Variants in ATXN8OS observed in about 807,000 individuals in gnomAD.
ATXN8OS encodes ATXN8 opposite strand lncRNA, also known as ATXN8 opposite strand (non-protein coding).
chr13:70,166,877 A>G (rs9542197), intron 4 of ATXN8OS, among the ~76,000 whole-genome samples: 73,637 of 150,474 alleles, frequency 0.49, 20,371 homozygotes, highest in Non-Finnish European at 0.63. Context: ...ACACTTCTCA[A>G]AAGAAGACAT....
At chr13:70,136,955 G>A (rs952890180) in intron 3 of ATXN8OS, among the ~76,000 whole-genome samples, 3 of 152,048 alleles carry the variant, frequency 2.0e-5, no homozygotes, top group Non-Finnish European at 4.4e-5. Flanking sequence ...GTTTAGTTGC[G>A]ATACTGGCCA....
At chr13:70,151,748 A>G (rs1888869997) in intron 4 of ATXN8OS, among the ~76,000 whole-genome samples, 1 of 152,096 alleles carries the variant, frequency 6.6e-6, no homozygotes, top group African/African-American at 2.4e-5. Context: ...TTTCAACAAG[A>G]ATTTAACTTT....
chr13:70,127,744 T>C (rs1888461211), intron 2 of ATXN8OS, among the ~76,000 whole-genome samples: 1 of 68,156 alleles, frequency 1.5e-5, no homozygotes, highest in African/African-American at 4.4e-5. Flanking sequence ...CATCAAATCA[T>C]TAATCATGTT....
chr13:70,160,511 A>G (rs1369097453), intron 4 of ATXN8OS, among the ~76,000 whole-genome samples: 2 of 151,614 alleles, frequency 1.3e-5, no homozygotes, highest in Non-Finnish European at 2.9e-5. Context: ...TAATTTGGAT[A>G]AAGTTTCTTA....
exon 2 of ATXN8OS, chr13:70,115,157 G>T (rs890701586): frequency 2.0e-5 from 8 of 398,300 alleles, no homozygotes; most frequent in African/African-American, 4.1e-5. Context: ...AGGCTGGGAA[G>T]TTCAAGACCA....
intron 3 of ATXN8OS, among the ~76,000 whole-genome samples, chr13:70,145,229 T>C (rs1888766083): frequency 6.6e-6 from 1 of 152,136 alleles, no homozygotes; most frequent in Admixed American, 6.5e-5. Flanking sequence ...TTGGTACCAG[T>C]ACCATGCTGT....
intron 4 of ATXN8OS, among the ~76,000 whole-genome samples, chr13:70,161,762 T>TG (rs1593778130): frequency 2.2e-5 from 1 of 45,418 alleles, no homozygotes; most frequent in Admixed American, 2.4e-4. Context: ...ATTTGTTGAG[T>TG]GAAAAAAAAT....
At chr13:70,125,447 T>A (rs1888419510) in intron 2 of ATXN8OS, among the ~76,000 whole-genome samples, 1 of 152,126 alleles carries the variant, frequency 6.6e-6, no homozygotes, top group Admixed American at 6.6e-5. Context: ...AGACAAAAAT[T>A]ACAATAATTT....
intron 4 of ATXN8OS, among the ~76,000 whole-genome samples, chr13:70,158,010 A>G (rs1252369754): frequency 6.6e-6 from 1 of 152,206 alleles, no homozygotes; most frequent in Non-Finnish European, 1.5e-5. Flanking sequence ...TTAATCACAG[A>G]TGCATTCATT....
intron 4 of ATXN8OS, among the ~76,000 whole-genome samples, chr13:70,166,037 T>C (rs925588726): frequency 6.6e-6 from 1 of 152,046 alleles, no homozygotes; most frequent in African/African-American, 2.4e-5. Flanking sequence ...TGTCTTTGCA[T>C]AAATAGAAAA....
chr13:70,159,724 A>G (rs1157751490), intron 4 of ATXN8OS, among the ~76,000 whole-genome samples: 1 of 152,196 alleles, frequency 6.6e-6, no homozygotes. Flanking sequence ...AATTCTTGGC[A>G]ACAACTAACC....
At chr13:70,160,775 T>C (rs1200108556) in intron 4 of ATXN8OS, among the ~76,000 whole-genome samples, 1 of 35,588 alleles carries the variant, frequency 2.8e-5, no homozygotes, top group African/African-American at 5.1e-5. Context: ...AATATGTAAA[T>C]ATATAAATAT....
chr13:70,135,657 A>G (rs9599554), intron 3 of ATXN8OS, among the ~76,000 whole-genome samples: 34,896 of 151,776 alleles, frequency 0.23, 4,461 homozygotes, highest in East Asian at 0.53. Context: ...TCCCTTAATA[A>G]CAGCACTTCT....
chr13:70,171,285 C>T (rs1205851608), exon 5 of ATXN8OS, among the ~76,000 whole-genome samples: 3 of 152,082 alleles, frequency 2.0e-5, no homozygotes, highest in Non-Finnish European at 4.4e-5. Context: ...ATTTACACAT[C>T]CAGTTAGGTT....
chr13:70,150,304 A>G (rs1372843809), intron 4 of ATXN8OS, among the ~76,000 whole-genome samples: 1 of 152,050 alleles, frequency 6.6e-6, no homozygotes, highest in Non-Finnish European at 1.5e-5. Flanking sequence ...TTCCCCAATA[A>G]CTTCTCTATT....
At chr13:70,143,516 A>G (rs1888744011) in intron 3 of ATXN8OS, among the ~76,000 whole-genome samples, 1 of 152,188 alleles carries the variant, frequency 6.6e-6, no homozygotes, top group South Asian at 2.1e-4. Flanking sequence ...TATGATATAT[A>G]TACTTTCTGC....
At chr13:70,112,397 GT>G (rs1888209020) in intron 1 of ATXN8OS, among the ~76,000 whole-genome samples, 1 of 151,996 alleles carries the variant, frequency 6.6e-6, no homozygotes, top group Non-Finnish European at 1.5e-5. Flanking sequence ...AATAAAAATT[GT>G]TTTGCAGTGA....
intron 4 of ATXN8OS, among the ~76,000 whole-genome samples, chr13:70,147,636 T>C (rs1048748324): frequency 1.3e-5 from 2 of 152,192 alleles, no homozygotes; most frequent in Non-Finnish European, 2.9e-5. Flanking sequence ...AAAGATGTCA[T>C]TAATCCAGAT....
intron 4 of ATXN8OS, among the ~76,000 whole-genome samples, chr13:70,159,307 C>A (rs186655794): frequency 1.3e-5 from 2 of 151,606 alleles, no homozygotes; most frequent in East Asian, 3.9e-4. Context: ...TTTGTAGATG[C>A]TTTTTTATTA....
Sources: allele counts gnomAD v4.1 joint callset (sites outside exome capture counted in the v4.1 genomes callset), GRCh38; gene constraint gnomAD v4.1.1; transcripts MANE v1.5; gene names NCBI Gene and HGNC (gene_info 2026-07-23, HGNC 2026-07-21).